PCYOX1L: variants seen among roughly 807,000 people sequenced by gnomAD.
The protein encoded by PCYOX1L is prenylcysteine oxidase 1 like, also known as prenylcysteine oxidase 1-like.
A neutral mutation model predicts 44.1 loss-of-function variants in PCYOX1L; 40 were observed. The ratio of observed to expected loss-of-function variants is 0.91; its 90% CI spans 0.70 to 1.18. PCYOX1L has a LOEUF of 1.18. PCYOX1L is among the 50% of genes most tolerant of loss of function. The probability of loss-of-function intolerance (pLI) is 0.00; values close to 1 mark genes in which losing one functional copy is unlikely to be tolerated. For missense variants in PCYOX1L, 605 were observed against 653.3 expected (o/e 0.93, Z 0.81); for synonymous variants, 266 against 282.8 (o/e 0.94, Z 0.60).
intron 1 of PCYOX1L, among the ~76,000 whole-genome samples, chr5:149,361,268 G>T (rs1315364015): frequency 1.3e-5 from 2 of 152,144 alleles, no homozygotes; most frequent in Non-Finnish European, 2.9e-5. Context: ...GGGCATGGTG[G>T]CATGTGCCTG....
chr5:149,367,858 C>T, intron 5 of PCYOX1L, 135 bp from the exon 6 acceptor site: 1 of 950,574 alleles, frequency 1.1e-6, no homozygotes, highest in Non-Finnish European at 1.6e-6. Context: ...ATGGAGAGGC[C>T]AGGACCCACC....
chr5:149,358,721 A>G (rs1261731800), intron 1 of PCYOX1L, among the ~76,000 whole-genome samples: 1 of 152,252 alleles, frequency 6.6e-6, no homozygotes, highest in Admixed American at 6.5e-5. Context: ...TGGCAGAGAC[A>G]GAACACTAGG....
In PCYOX1L at chr5:149,367,469, C is replaced by T. The variant is rs1221473882; in HGVS notation, c.792C>T (p.Ala264=). The T allele has an allele frequency of 1.2e-6, 2 of 1,613,932 alleles. No homozygotes were observed. The highest frequency in any genetic ancestry group is 1.7e-5 in the Admixed American group (1 of 59,968). The part of the protein sequence containing the change: ...LKLTKANVIH[A]TVTSVTLHST... ...TCACCAAGGCCAATGTGATCCATGC[C>T]ACAGTGACCTCTGTGACCCTGCACA... The change falls in exon 5 of 6, where the codon GCC becomes GCT. Residue 264 remains alanine, a synonymous_variant. Transcript: ENST00000274569.
intron 1 of PCYOX1L, chr5:149,362,393 T>C (rs1402186832): frequency 3.7e-6 from 2 of 534,736 alleles, no homozygotes; most frequent in African/African-American, 3.8e-5. Flanking sequence ...GCTGGTCTTT[T>C]GCTGCAAAAT....
chr5:149,361,150 T>G (rs1757998038), intron 1 of PCYOX1L, among the ~76,000 whole-genome samples: 1 of 152,240 alleles, frequency 6.6e-6, no homozygotes, highest in South Asian at 2.1e-4. Flanking sequence ...GGCTAATGCC[T>G]GTAATTCCAG....
intron 3 of PCYOX1L, 70 bp from the exon 4 acceptor site, chr5:149,365,872 A>G (rs1561702796): frequency 2.7e-6 from 4 of 1,502,782 alleles, no homozygotes; most frequent in Admixed American, 1.7e-5. Flanking sequence ...CCCAGGCACT[A>G]TAACCCAGGG....
Position 149,358,089 on chromosome 5 carries a change from G to A in PCYOX1L, c.21G>A (p.Leu7=). 5 of 1,437,202 alleles carry A rather than the reference G, an allele frequency of 3.5e-6. No homozygotes were observed. Among genetic ancestry groups the A allele is most frequent in the Non-Finnish European group, 3.6e-6 (4 of 1,097,178 alleles). 89.0% of individuals were successfully genotyped at this position (1,437,202 alleles called of 1,614,324 possible). ...CCGCCATGGCCCGCGCAGCCCCGCT[G>A]CTCGCCGCGTTGACCGCGCTCCTCG... MARAAP[L]LAALTALLAA... The change falls in exon 1 of 6, where the codon CTG becomes CTA. Residue 7 remains leucine (L), a synonymous_variant. Coordinates refer to ENST00000274569, the MANE Select transcript of PCYOX1L (RefSeq NM_024028.4).
Position 149,366,070 on chromosome 5 carries a change from TCA to T in PCYOX1L, c.601_602del (p.Thr201AlafsTer5). ...GCTGAGTCCCTGCTGCAGGTGGGCG[TCA>T]CGCAGCGCTTTATTGATGATGTCGT... On this transcript the variant is annotated frameshift_variant, in exon 4 of 6. Transcript: ENST00000274569. LOFTEE classifies it high-confidence loss of function. 1 of 1,614,212 alleles carries T rather than the reference TCA, an allele frequency of 6.2e-7. No homozygotes were observed. Among genetic ancestry groups the T allele is most frequent in the Non-Finnish European group, 8.5e-7 (1 of 1,180,040 alleles).
chr5:149,364,508 T>G, intron 3 of PCYOX1L: 1 of 278,362 alleles, frequency 3.6e-6, no homozygotes, highest in South Asian at 5.4e-5. Flanking sequence ...GGGATGCGAG[T>G]CAGTGAATCA....
intron 2 of PCYOX1L, 170 bp downstream of exon 2, chr5:149,363,013 C>A: frequency 1.2e-6 from 1 of 803,722 alleles, no homozygotes. Context: ...CCTGAGGTTA[C>A]ACAGTGAGTT....
chr5:149,361,896 T>TGTGATTACAGGCGTGAGCCACCGC (rs59353415), intron 1 of PCYOX1L, among the ~76,000 whole-genome samples: 5,557 of 150,508 alleles, frequency 0.037, 265 homozygotes, highest in African/African-American at 0.12. Context: ...CCCAAAGTGT[T>TGTGATTACAGGCGTGAGCCACCGC]GTGATTACAG....
At chr5:149,365,880 G>A in intron 3 of PCYOX1L, 62 bp from the exon 4 acceptor site, 1 of 1,543,318 alleles carries the variant, frequency 6.5e-7, no homozygotes, top group Non-Finnish European at 8.9e-7. Flanking sequence ...CTATAACCCA[G>A]GGGCAGGTGG....
Position 149,365,947 on chromosome 5 carries a change from A to G in PCYOX1L, c.476A>G (p.Tyr159Cys), listed in dbSNP as rs776739197. Residue 159 changes from tyrosine to cysteine, a missense_variant, in exon 4 of 6, where the codon TAT becomes TGT. Coordinates refer to ENST00000274569, the MANE Select transcript of PCYOX1L (RefSeq NM_024028.4). ...EEVMEKFMRIYKYQAHGYAFS... is the reference protein window; with the variant it reads ...EEVMEKFMRICKYQAHGYAFS... ...CAGCTCTATGTGTCTTCTAGGATCT[A>G]TAAGTACCAGGCCCACGGCTATGCC... 14 of 1,614,194 alleles carry G rather than the reference A, an allele frequency of 8.7e-6. No individual in the cohort carries two copies. Among genetic ancestry groups the G allele is most frequent in the East Asian group, 2.2e-5 (1 of 44,878 alleles).
Position 149,368,252 on chromosome 5 carries a change from C to T in PCYOX1L, c.1083C>T (p.Thr361=). The change falls in exon 6 of 6, where the codon ACC becomes ACT. Residue 361 remains threonine (T), a synonymous_variant. Transcript: ENST00000274569. ...TTTTCCCCTTTGCCAACATCCTTAC[C>T]ACAGATTTCCCCAGCTTCTTCTGCA... The part of the protein sequence containing the change: ...PKLFPFANIL[T]TDFPSFFCTL... The T allele has an allele frequency of 6.2e-7, 1 of 1,614,160 alleles. No individual in the cohort carries two copies. The highest frequency in any genetic ancestry group is 8.5e-7 in the Non-Finnish European group (1 of 1,180,030).
intron 5 of PCYOX1L, 80 bp from the exon 6 acceptor site, chr5:149,367,913 A>G (rs1400762509): frequency 1.4e-6 from 2 of 1,427,600 alleles, no homozygotes; most frequent in East Asian, 4.6e-5. Flanking sequence ...GTCTCGTTGT[A>G]CCTCAATGCT....
Position 149,362,695 on chromosome 5 carries a change from T to G in PCYOX1L, c.147T>G (p.Phe49Leu), listed in dbSNP as rs776481312. Residue 49 changes from phenylalanine to leucine, a missense_variant, in exon 2 of 6, where the codon TTT becomes TTG. Coordinates refer to ENST00000274569, the MANE Select transcript of PCYOX1L (RefSeq NM_024028.4). ...SAVAHFLQQH[F>L]GPRVQIDVYE... The stretch of plus-strand genomic sequence containing the variant: ...TGGCCCATTTTCTCCAGCAGCACTT[T>G]GGACCTCGGGTGCAGATCGACGTGT... 5.0e-6 allele frequency: 8 copies of G among 1,614,192 alleles called. No homozygotes were observed. In the South Asian group the frequency reaches 8.8e-5, roughly 18 times the overall value.
chr5:149,361,120 A>C (rs1028033796), intron 1 of PCYOX1L, among the ~76,000 whole-genome samples: 2 of 152,192 alleles, frequency 1.3e-5, no homozygotes, highest in Admixed American at 1.3e-4. Flanking sequence ...TTTAATGATT[A>C]GTGTCAGGTG....
rs756342950 is a variant in PCYOX1L, at chr5:149,368,473, C to A, written c.1304C>A (p.Pro435Gln). The change falls in exon 6 of 6, where the codon CCG becomes CAG. Residue 435 changes from proline to glutamine, a missense_variant. Transcript: ENST00000274569. ...HPLYGSRPTL[P>Q]RFALHDQLFY... ...CTCTATGGCTCCCGCCCCACGCTCC[C>A]GAGGTTTGCACTCCATGACCAGCTC... 4 of 1,613,156 alleles carry A rather than the reference C, an allele frequency of 2.5e-6. No homozygotes were observed. Among genetic ancestry groups the A allele is most frequent in the Non-Finnish European group, 3.4e-6 (4 of 1,179,442 alleles).
chr5:149,358,187 TG>T, intron 1 of PCYOX1L, 31 bp downstream of exon 1: 1 of 1,415,630 alleles, frequency 7.1e-7, no homozygotes, highest in South Asian at 1.4e-5. Flanking sequence ...GGTTCCCAGC[TG>T]GGGAGGGCCG....
Sources: gnomAD v4.1 joint callset for allele counts (sites outside exome capture counted in the v4.1 genomes callset) on GRCh38, gnomAD v4.1.1 for gene constraint, MANE v1.5 for transcripts, NCBI Gene and HGNC (gene_info 2026-07-23, HGNC 2026-07-21) for gene names.